Variants in RAB11FIP3 observed in about 807,000 individuals in gnomAD.
RAB11FIP3 encodes the protein rab11 family-interacting protein 3.
Under a neutral mutation model 77.8 loss-of-function variants are expected in RAB11FIP3, and 17 were observed. The ratio of observed to expected loss-of-function variants is 0.22; its 90% confidence interval spans 0.15 to 0.33. The LOEUF is 0.33. RAB11FIP3 is among the 10% of genes least tolerant of loss of function. RAB11FIP3 has a pLI of 1.00. For missense variants in RAB11FIP3, 1,005 were observed against 1,011.2 expected (o/e 0.99, Z 0.08); for synonymous variants, 437 against 448.2 (o/e 0.98, Z 0.31).
In RAB11FIP3 at chr16:519,625, C is replaced by T. The variant is rs1374224623; in HGVS notation, c.1723-129C>T. The T allele has an allele frequency of 2.4e-5, 30 of 1,257,476 alleles. No individual in the cohort carries two copies. The East Asian group carries it at 4.8e-4, about 20-fold the overall frequency. The allele number at this position is 1,257,476 out of a possible 1,614,324, so 77.9% of individuals were successfully genotyped here. ...GGAAGGCTCAGACCCAGCCCTGTCGCGCTCCAAGCACGGGCGCCACCGCGT... is the reference window on the plus strand; with the variant it reads ...GGAAGGCTCAGACCCAGCCCTGTCGTGCTCCAAGCACGGGCGCCACCGCGT... On this transcript the variant is annotated intron_variant, in intron 10 of 13. Coordinates refer to ENST00000262305, the MANE Select transcript of RAB11FIP3 (RefSeq NM_014700.4).
rs992436861 is a variant in RAB11FIP3, at chr16:442,515, C to T, written c.714+15795C>T. ...GGTCTCCTTTCTGGTCTTCCTCCCG[C>T]TCAGCCGGGCTGCCGCTTCTGGTGT... On this transcript the variant is annotated intron_variant, in intron 1 of 13. Coordinates refer to ENST00000262305, the MANE Select transcript of RAB11FIP3 (RefSeq NM_014700.4). Among the ~76,000 whole-genome samples, 9 of 152,318 alleles carry T rather than the reference C, an allele frequency of 5.9e-5. No homozygotes were observed. The South Asian group carries it at 1.0e-3, about 18-fold the overall frequency.
At position 471,175 on chromosome 16, in the gene RAB11FIP3, C is replaced by T. The variant is rs571539187; in HGVS notation, c.809-120C>T. The T allele has an allele frequency of 5.8e-5, 45 of 782,144 alleles. 1 individual carries two copies. In the Admixed American group the frequency reaches 7.3e-4, roughly 13 times the overall value. The allele number at this position is 782,144 out of a possible 1,614,324, so 48.5% of individuals were successfully genotyped here. On this transcript the variant is annotated intron_variant, in intron 2 of 13. Transcript: ENST00000262305. The surrounding 1 kb of genome is among the most constrained non-coding windows in gnomAD (Gnocchi z 4.4). ...TGCTTGTCTTGACCCCCCCCAGGGC[C>T]CCCAACTCCCACACATCTGTCCCTG...
chr16:457,290 T>C (rs79919699), intron 1 of RAB11FIP3, among the ~76,000 whole-genome samples: 6,330 of 152,162 alleles, frequency 0.042, 433 homozygotes, highest in African/African-American at 0.14. Flanking sequence ...ACATCCATAG[T>C]AGGAACAATG....
intron 1 of RAB11FIP3, among the ~76,000 whole-genome samples, chr16:427,183 G>T (rs1353027142): frequency 6.6e-6 from 1 of 152,252 alleles, no homozygotes; most frequent in African/African-American, 2.4e-5. Flanking sequence ...AGATCCTACT[G>T]ATAGACACCT....
chr16:495,523 G>A lies in RAB11FIP3; in HGVS notation c.1266-1301G>A, dbSNP rs371439865. The stretch of plus-strand genomic sequence containing the variant: ...GATGCTCCCTGGAGTAGGTACTGGG[G>A]AGACTGCAGGTGTCGGAGGGCCCTG... On this transcript the variant is annotated intron_variant, in intron 5 of 13. Transcript: ENST00000262305. Among the ~76,000 whole-genome samples the A allele has an allele frequency of 7.0e-4, 106 of 152,336 alleles. 1 individual carries two copies. Among genetic ancestry groups the A allele is most frequent in the South Asian group, 6.8e-3 (33 of 4,830 alleles).
chr16:484,978 T>TG (rs2056124289), intron 4 of RAB11FIP3, among the ~76,000 whole-genome samples: 1 of 152,188 alleles, frequency 6.6e-6, no homozygotes, highest in East Asian at 1.9e-4. Flanking sequence ...GCTCACCTTG[T>TG]GGGGGGCATG....
Position 507,664 on chromosome 16 carries a change from C to T in RAB11FIP3, c.1499+2037C>T, listed in dbSNP as rs2031941626. The stretch of plus-strand genomic sequence containing the variant: ...CCGCCTGGCACCACCCACTGACCGT[C>T]TGCAGTGCAGCCCCGGCCACATTCA... On this transcript the variant is annotated intron_variant, in intron 8 of 13. Transcript: ENST00000262305. This position sits in a 1 kb window ranked among gnomAD's most constrained non-coding sequence, Gnocchi z 4.6. 6.6e-6 allele frequency among the ~76,000 whole-genome samples: 1 copy of T among 152,278 alleles called. No homozygotes were observed. The highest frequency in any genetic ancestry group is 1.5e-5 in the Non-Finnish European group (1 of 68,054).
chr16:474,553 G>T (rs958854947), intron 3 of RAB11FIP3, among the ~76,000 whole-genome samples: 3 of 152,124 alleles, frequency 2.0e-5, no homozygotes, highest in Non-Finnish European at 2.9e-5. Flanking sequence ...CTGTTTGTCG[G>T]GTTTCTGGAA....
rs541905391 is a variant in RAB11FIP3, at chr16:475,814, C to G, written c.903+4425C>G. Among the ~76,000 whole-genome samples, 793 of 152,252 alleles carry G rather than the reference C, an allele frequency of 5.2e-3. 1 individual carries two copies. The highest frequency in any genetic ancestry group is 8.3e-3 in the Non-Finnish European group (564 of 68,016). ...TCTGTGGGATCTACAGTGCACGGAGCCACTCTGCAATGGCAGGGAGGCCCG... is the reference window on the plus strand; with the variant it reads ...TCTGTGGGATCTACAGTGCACGGAGGCACTCTGCAATGGCAGGGAGGCCCG... On this transcript the variant is annotated intron_variant, in intron 3 of 13. Coordinates refer to ENST00000262305, the MANE Select transcript of RAB11FIP3 (RefSeq NM_014700.4).
At chr16:489,805 G>C (rs2030009703) in intron 5 of RAB11FIP3, among the ~76,000 whole-genome samples, 1 of 151,934 alleles carries the variant, frequency 6.6e-6, no homozygotes, top group Admixed American at 6.6e-5. Flanking sequence ...CTGCCCATAG[G>C]GTCCCCCTCC....
chr16:459,441 T>C (rs1375149442), intron 1 of RAB11FIP3, among the ~76,000 whole-genome samples: 2 of 150,452 alleles, frequency 1.3e-5, no homozygotes, highest in African/African-American at 4.9e-5. Flanking sequence ...CTTTTTTTTT[T>C]TTTTTTTTTT....
At chr16:445,558 G>C (rs2055301846) in intron 1 of RAB11FIP3, among the ~76,000 whole-genome samples, 1 of 152,176 alleles carries the variant, frequency 6.6e-6, no homozygotes, top group African/African-American at 2.4e-5. Flanking sequence ...TCTCCCCCTT[G>C]CCCACCCAAG....
intron 5 of RAB11FIP3, 180 bp downstream of exon 5, chr16:489,180 G>GAGGGACTTC: frequency 5.2e-6 from 4 of 764,726 alleles, no homozygotes; most frequent in Non-Finnish European, 8.1e-6. Flanking sequence ...GTTGGGAGAA[G>GAGGGACTTC]TCCCTCTTCT....
rs983875866 is a variant in RAB11FIP3, at chr16:507,929, C to A, written c.1499+2302C>A. 6.6e-6 allele frequency among the ~76,000 whole-genome samples: 1 copy of A among 152,254 alleles called. No individual in the cohort carries two copies. Among genetic ancestry groups the A allele is most frequent in the South Asian group, 2.1e-4 (1 of 4,830 alleles). ...TTTCCCGTTTTCAGTATCATCTGCC[C>A]GTTCTGAGCCATTTGCTCTCTAGCT... On this transcript the variant is annotated intron_variant, in intron 8 of 13. Transcript: ENST00000262305. This position sits in a 1 kb window ranked among gnomAD's most constrained non-coding sequence, Gnocchi z 4.6.
intron 1 of RAB11FIP3, among the ~76,000 whole-genome samples, chr16:457,131 G>A (rs532977829): frequency 3.3e-5 from 5 of 152,240 alleles, no homozygotes; most frequent in Admixed American, 1.3e-4. Flanking sequence ...GCAGAAAGGC[G>A]GTTTCTCGTT....
In RAB11FIP3 at chr16:521,592, G is replaced by C. The variant is rs1034826060; in HGVS notation, c.*753G>C. The C allele has an allele frequency of 6.6e-6, 1 of 152,564 alleles. No homozygotes were observed. Among genetic ancestry groups the C allele is most frequent in the African/African-American group, 2.4e-5 (1 of 41,448 alleles). 9.5% of individuals were successfully genotyped at this position (152,564 alleles called of 1,614,324 possible). ...GGGGCTCTGACCACCTATGGGGGCC[G>C]GGCAGGAGCCTCTGGGGCCTCCACT... is the stretch of plus-strand genomic sequence containing the variant. On this transcript the variant is annotated 3_prime_UTR_variant, in exon 14 of 14. Coordinates refer to ENST00000262305, the MANE Select transcript of RAB11FIP3 (RefSeq NM_014700.4).
intron 2 of RAB11FIP3, among the ~76,000 whole-genome samples, chr16:464,715 G>A (rs2055672452): frequency 6.6e-6 from 1 of 152,176 alleles, no homozygotes; most frequent in African/African-American, 2.4e-5. Context: ...GGGCAACATA[G>A]TGAGACCTTG....
At chr16:429,575 C>T (rs1053097150) in intron 1 of RAB11FIP3, among the ~76,000 whole-genome samples, 54 of 151,366 alleles carry the variant, frequency 3.6e-4, no homozygotes, top group African/African-American at 1.1e-3. Context: ...TCTCGGCTCA[C>T]TGCAACCTCT....
intron 5 of RAB11FIP3, 110 bp downstream of exon 5, chr16:489,110 C>A: frequency 7.8e-7 from 1 of 1,285,988 alleles, no homozygotes; most frequent in Non-Finnish European, 1.0e-6. Flanking sequence ...CTTTCCTTGA[C>A]GTCATGTGAT....
Sources: gnomAD v4.1 joint callset for allele counts (sites outside exome capture counted in the v4.1 genomes callset) on GRCh38, gnomAD v4.1.1 for gene constraint, Gnocchi (gnomAD v3.1) non-coding constraint, MANE v1.5 for transcripts, NCBI Gene and HGNC (gene_info 2026-07-23, HGNC 2026-07-21) for gene names.